The following AGBL4 variants were observed in gnomAD, a reference collection of about 807,000 sequenced individuals.
The protein encoded by AGBL4 is AGBL carboxypeptidase 4, also known as cytosolic carboxypeptidase 6.
Under a neutral mutation model 66.4 loss-of-function variants are expected in AGBL4, and 58 were observed. The ratio of observed to expected loss-of-function variants is 0.87; its 90% CI spans 0.71 to 1.09. The LOEUF (loss-of-function observed/expected upper bound fraction) is 1.09, where lower values mean the gene tolerates loss of function less well. AGBL4 is among the 50% of genes least tolerant of loss of function. AGBL4 has a pLI of 0.00. For synonymous variants in AGBL4, 234 were observed against 222.9 expected (o/e 1.05, Z -0.44); for missense variants, 579 against 631.0 (o/e 0.92, Z 0.88).
intron 2 of AGBL4, among the ~76,000 whole-genome samples, chr1:49,708,762 T>C (rs1019630362): frequency 6.6e-5 from 10 of 152,186 alleles, no homozygotes; most frequent in Non-Finnish European, 1.3e-4. Flanking sequence ...TATGCTGATG[T>C]TGATGCTATT....
rs1013204709 is a variant in AGBL4 at position 48,736,709 on chromosome 1, T to C, written c.635-73468A>G. Among the ~76,000 whole-genome samples, 9 of 152,184 alleles carry C rather than the reference T, an allele frequency of 5.9e-5. No homozygotes were observed. Among genetic ancestry groups the C allele is most frequent in the African/African-American group, 1.9e-4 (8 of 41,438 alleles). On this transcript the variant is annotated intron_variant, in intron 6 of 13. Transcript: ENST00000371839. The surrounding 1 kb of genome is among the most constrained non-coding windows in gnomAD (Gnocchi z 4.0). ...TGGATAGAAGGCATTATAACACCAT[T>C]TTCCTTTCAGATGGAAACACCGGTT... is the stretch of plus-strand genomic sequence containing the variant.
chr1:49,716,336 G>C (rs1344558145), intron 2 of AGBL4, among the ~76,000 whole-genome samples: 3 of 152,082 alleles, frequency 2.0e-5, no homozygotes, highest in Admixed American at 6.6e-5. Context: ...CCAGTACCAT[G>C]CTGTTTTGGT....
intron 3 of AGBL4, among the ~76,000 whole-genome samples, chr1:49,516,129 G>C (rs937772164): frequency 3.3e-5 from 5 of 151,182 alleles, no homozygotes; most frequent in African/African-American, 1.2e-4. Context: ...CTCACACAAA[G>C]ATTCATTAGG....
intron 5 of AGBL4, among the ~76,000 whole-genome samples, chr1:49,040,578 A>C (rs1429887275): frequency 6.6e-6 from 1 of 152,132 alleles, no homozygotes; most frequent in African/African-American, 2.4e-5. Context: ...AGAATAGGTA[A>C]ACAAAATGTG....
At chr1:48,951,345 A>G (rs1216795992) in intron 5 of AGBL4, among the ~76,000 whole-genome samples, 1 of 152,202 alleles carries the variant, frequency 6.6e-6, no homozygotes, top group Non-Finnish European at 1.5e-5. Flanking sequence ...ATCACATGTG[A>G]AGAGAGTTGG....
chr1:48,525,067 G>C, the AGBL4 span, among the ~76,000 whole-genome samples: 6 of 152,048 alleles, frequency 3.9e-5, no homozygotes, highest in South Asian at 2.1e-4. Context: ...TTCGCCACCA[G>C]CAGCAGCAGC....
chr1:49,981,026 TTACA>T (rs1426948986), intron 1 of AGBL4, among the ~76,000 whole-genome samples: 1 of 152,190 alleles, frequency 6.6e-6, no homozygotes, highest in Non-Finnish European at 1.5e-5. Context: ...TAATTGAGTA[TTACA>T]TAAACTATTT....
intron 1 of AGBL4, among the ~76,000 whole-genome samples, chr1:50,015,657 A>C (rs547248616): frequency 6.6e-6 from 1 of 152,308 alleles, no homozygotes; most frequent in East Asian, 1.9e-4. Context: ...CCCTGTCTCA[A>C]AACATAAATA....
chr1:48,680,231 C>G (rs977471892), intron 6 of AGBL4, among the ~76,000 whole-genome samples: 7 of 152,208 alleles, frequency 4.6e-5, no homozygotes, highest in African/African-American at 1.7e-4. Flanking sequence ...TAAATTGAAG[C>G]ACAAAGTCGT....
intron 5 of AGBL4, among the ~76,000 whole-genome samples, chr1:49,008,160 CA>C (rs1662025631): frequency 1.3e-5 from 2 of 151,100 alleles, no homozygotes; most frequent in South Asian, 4.2e-4. Flanking sequence ...CACATAGGCT[CA>C]AAATAAAAGG....
At chr1:49,417,759 A>G (rs546854549) in intron 3 of AGBL4, among the ~76,000 whole-genome samples, 1 of 152,282 alleles carries the variant, frequency 6.6e-6, no homozygotes, top group East Asian at 1.9e-4. Flanking sequence ...GAGTCTTCAT[A>G]TAGCTGAGTT....
At chr1:48,759,767 T>G (rs1430876433) in intron 6 of AGBL4, among the ~76,000 whole-genome samples, 1 of 152,190 alleles carries the variant, frequency 6.6e-6, no homozygotes, top group Non-Finnish European at 1.5e-5. Flanking sequence ...CTAAAGGCAA[T>G]TCACCATGTA....
intron 3 of AGBL4, among the ~76,000 whole-genome samples, chr1:49,263,270 C>T (rs1653399724): frequency 6.6e-6 from 1 of 151,458 alleles, no homozygotes; most frequent in African/African-American, 2.4e-5. Flanking sequence ...CTAACCTGCA[C>T]ATTGTGCACA....
rs889196396 is a variant in AGBL4, at chr1:49,143,630, G to A, written c.378-97830C>T. ...AGGAATACTTCATAATACAATGAAT[G>A]AATTAAGTTCCCTAGGGTCCTTTAA... is the stretch of plus-strand genomic sequence containing the variant. On this transcript the variant is annotated intron_variant, in intron 4 of 13. Transcript: ENST00000371839. Among the ~76,000 whole-genome samples, 4 of 152,112 alleles carry A rather than the reference G, an allele frequency of 2.6e-5. No homozygotes were observed. The East Asian group carries it at 7.7e-4, about 29-fold the overall frequency.
At chr1:48,575,190 A>G (rs1468812127) in intron 11 of AGBL4, among the ~76,000 whole-genome samples, 1 of 152,114 alleles carries the variant, frequency 6.6e-6, no homozygotes, top group East Asian at 1.9e-4. Flanking sequence ...TGAATCTCAC[A>G]TCAAAATACT....
chr1:49,549,881 T>C (rs558087580), intron 3 of AGBL4, among the ~76,000 whole-genome samples: 7 of 152,308 alleles, frequency 4.6e-5, no homozygotes, highest in Admixed American at 2.0e-4. Flanking sequence ...CAGTGGAGTA[T>C]TGACGTCCCC....
chr1:49,709,779 G>A (rs180746188), intron 2 of AGBL4, among the ~76,000 whole-genome samples: 85 of 152,136 alleles, frequency 5.6e-4, no homozygotes, highest in African/African-American at 1.6e-3. Context: ...AAAAGTGGCC[G>A]AAGGATATGA....
chr1:49,431,997 G>A (rs1359748694), intron 3 of AGBL4, among the ~76,000 whole-genome samples: 1 of 152,024 alleles, frequency 6.6e-6, no homozygotes, highest in Non-Finnish European at 1.5e-5. Flanking sequence ...ATTTTTCCTA[G>A]GCCTTTCCTG....
intron 2 of AGBL4, among the ~76,000 whole-genome samples, chr1:49,799,909 GCTTT>G (rs1644819100): frequency 6.6e-6 from 1 of 152,094 alleles, no homozygotes; most frequent in South Asian, 2.1e-4. Flanking sequence ...TCCACCATTA[GCTTT>G]CTTTATGTAT....
Sources: gnomAD v4.1 joint callset for allele counts (sites outside exome capture counted in the v4.1 genomes callset) on GRCh38, gnomAD v4.1.1 for gene constraint, Gnocchi (gnomAD v3.1) non-coding constraint, MANE v1.5 for transcripts, NCBI Gene and HGNC (gene_info 2026-07-23, HGNC 2026-07-21) for gene names.